RCAN1: variants seen among roughly 807,000 people sequenced by gnomAD.
The protein encoded by RCAN1 is regulator of calcineurin 1, also known as calcipressin-1.
Under a neutral mutation model 22.9 loss-of-function variants are expected in RCAN1, and 11 were observed. The observed-to-expected ratio is 0.48, with a 90% confidence interval of 0.30 to 0.79. The LOEUF is 0.79. Ranked by LOEUF, RCAN1 falls within the 30% of genes least tolerant of loss-of-function variation. The pLI is 0.06. For synonymous variants in RCAN1, 136 were observed against 142.3 expected, an observed-to-expected ratio of 0.96 and a Z score of 0.32; for missense variants, 291 against 337.8, an observed-to-expected ratio of 0.86 and a Z score of 1.09.
At chr21:34,574,461 T>C (rs953721105) in intron 1 of RCAN1, among the ~76,000 whole-genome samples, 1 of 152,216 alleles carries the variant, frequency 6.6e-6, no homozygotes, top group African/African-American at 2.4e-5. Context: ...ACATGAGATT[T>C]AGGATGCACT....
intron 1 of RCAN1, chr21:34,526,586 C>T (rs1350545911): frequency 7.1e-7 from 1 of 1,417,896 alleles, no homozygotes; most frequent in African/African-American, 1.5e-5. Context: ...CACATTCTCC[C>T]AAGTATTCAG....
chr21:34,544,514 T>C (rs371104087), intron 1 of RCAN1, among the ~76,000 whole-genome samples: 5 of 152,310 alleles, frequency 3.3e-5, no homozygotes, highest in East Asian at 1.9e-4. Context: ...GTGCACATGG[T>C]GATTTCTGAC....
chr21:34,567,807 G>A (rs1001470971), intron 1 of RCAN1, among the ~76,000 whole-genome samples: 1 of 152,146 alleles, frequency 6.6e-6, no homozygotes, highest in African/African-American at 2.4e-5. Flanking sequence ...CAAGGAAATC[G>A]CAACATAAGA....
intron 1 of RCAN1, among the ~76,000 whole-genome samples, chr21:34,581,558 C>T (rs2284600): frequency 0.013 from 2,030 of 152,216 alleles, 46 homozygotes; most frequent in East Asian, 0.092. Flanking sequence ...AATAAATCCC[C>T]TGCTCCACGT....
chr21:34,519,079 C>A (rs974456845), intron 3 of RCAN1, among the ~76,000 whole-genome samples: 2 of 152,192 alleles, frequency 1.3e-5, no homozygotes, highest in Non-Finnish European at 2.9e-5. Context: ...ATTCTGCTTC[C>A]CTGTGCACCT....
intron 3 of RCAN1, chr21:34,521,061 C>T (rs1251712378): frequency 8.3e-7 from 1 of 1,210,248 alleles, no homozygotes; most frequent in Non-Finnish European, 1.0e-6. Context: ...TTAAGAAGGC[C>T]AGGTGAGAAT....
rs533803821 is a variant in RCAN1 at position 34,614,557 on chromosome 21, C to T, written c.252+203G>A. On this transcript the variant is annotated intron_variant, in intron 1 of 3. Transcript: ENST00000313806. This position sits in a 1 kb window ranked among gnomAD's most constrained non-coding sequence, Gnocchi z 6.0. ...GGGACTCTGCAGTGAGCTCCGCGCG[C>T]CCCGGGGGTGCTAGGGGACCGGGAC... The T allele has an allele frequency of 4.7e-5, 47 of 1,005,362 alleles. No homozygotes were observed. Among genetic ancestry groups the T allele is most frequent in the East Asian group, 6.4e-5 (1 of 15,742 alleles). The allele number at this position is 1,005,362 out of a possible 1,614,324, so 62.3% of individuals were successfully genotyped here. A position where few individuals can be genotyped will look rare whatever the true frequency, so the allele number is the denominator to read the frequency against.
Position 34,615,043 on chromosome 21 carries a change from CG to C in RCAN1, c.-33del. The C allele has an allele frequency of 9.8e-7, 1 of 1,023,236 alleles. No homozygotes were observed. Among genetic ancestry groups the C allele is most frequent in the Non-Finnish European group, 1.2e-6 (1 of 856,180 alleles). 63.4% of individuals were successfully genotyped at this position (1,023,236 alleles called of 1,614,324 possible). On this transcript the variant is annotated 5_prime_UTR_variant, in exon 1 of 4. Transcript: ENST00000313806. ...GCCCGCGCGACCCTGTGCGCCCCAGCGGGCTGCTCCGGGCTTGCGCGCCGGA... is the reference window on the plus strand; with the variant it reads ...GCCCGCGCGACCCTGTGCGCCCCAGCGGCTGCTCCGGGCTTGCGCGCCGGA...
chr21:34,595,674 C>A (rs1208438358), intron 1 of RCAN1, among the ~76,000 whole-genome samples: 1 of 152,224 alleles, frequency 6.6e-6, no homozygotes, highest in Non-Finnish European at 1.5e-5. Flanking sequence ...ACCTGAGGAG[C>A]TGACTTCTCA....
chr21:34,558,057 G>T (rs1421623264), intron 1 of RCAN1, among the ~76,000 whole-genome samples: 2 of 152,240 alleles, frequency 1.3e-5, no homozygotes, highest in African/African-American at 4.8e-5. Context: ...TCAAGCCTGT[G>T]ATGAACTATG....
intron 1 of RCAN1, among the ~76,000 whole-genome samples, chr21:34,531,964 G>T (rs1345049049): frequency 6.6e-6 from 1 of 152,108 alleles, no homozygotes; most frequent in Admixed American, 6.6e-5. Context: ...ACTTTATTCA[G>T]GACCACCACG....
At chr21:34,565,569 G>C (rs549230317) in intron 1 of RCAN1, among the ~76,000 whole-genome samples, 1 of 152,328 alleles carries the variant, frequency 6.6e-6, no homozygotes, top group Non-Finnish European at 1.5e-5. Flanking sequence ...AACTGAGGAA[G>C]ATGCTTCTTT....
At chr21:34,581,575 T>C (rs1168045391) in intron 1 of RCAN1, among the ~76,000 whole-genome samples, 1 of 152,052 alleles carries the variant, frequency 6.6e-6, no homozygotes. Flanking sequence ...ACGTCTCTGG[T>C]TATGGCAGTC....
At chr21:34,530,938 T>C (rs1985360085) in intron 1 of RCAN1, among the ~76,000 whole-genome samples, 1 of 152,204 alleles carries the variant, frequency 6.6e-6, no homozygotes, top group Non-Finnish European at 1.5e-5. Flanking sequence ...CCCTATAGAA[T>C]GTGGAGCATT....
At chr21:34,525,129 G>A (rs1601134509) in intron 1 of RCAN1, 1 of 1,550,598 alleles carries the variant, frequency 6.4e-7, no homozygotes, top group South Asian at 1.2e-5. Context: ...TGCAGTGGGA[G>A]CGAGGATTCA....
intron 1 of RCAN1, among the ~76,000 whole-genome samples, chr21:34,581,180 T>C (rs942881424): frequency 3.8e-4 from 3 of 7,840 alleles, no homozygotes; most frequent in Non-Finnish European, 6.3e-4. Flanking sequence ...TCTAATAACT[T>C]TTTTTTTTAA....
intron 1 of RCAN1, among the ~76,000 whole-genome samples, chr21:34,597,678 A>C (rs1298080636): frequency 6.6e-6 from 1 of 152,224 alleles, no homozygotes; most frequent in Admixed American, 6.5e-5. Flanking sequence ...ATAAGATGAG[A>C]ATACCCATCT....
intron 1 of RCAN1, among the ~76,000 whole-genome samples, chr21:34,542,769 T>C (rs550258384): frequency 6.6e-6 from 1 of 152,250 alleles, no homozygotes; most frequent in East Asian, 1.9e-4. Flanking sequence ...GTCACCTGAG[T>C]AAGCAGGGTC....
intron 1 of RCAN1, among the ~76,000 whole-genome samples, chr21:34,556,027 C>T (rs543298945): frequency 1.1e-3 from 165 of 145,916 alleles, no homozygotes; most frequent in African/African-American, 2.0e-3. Context: ...CGTGCCACTG[C>T]GCTCTAACCT....
Sources: allele counts gnomAD v4.1 joint callset (sites outside exome capture counted in the v4.1 genomes callset), GRCh38; gene constraint gnomAD v4.1.1; non-coding constraint Gnocchi (gnomAD v3.1); transcripts MANE v1.5; gene names NCBI Gene and HGNC (gene_info 2026-07-23, HGNC 2026-07-21).